STARD13: variants seen among roughly 807,000 people sequenced by gnomAD.
STARD13 encodes StAR related lipid transfer domain containing 13, also known as stAR-related lipid transfer protein 13.
Under a neutral mutation model 106.4 loss-of-function variants are expected in STARD13, and 62 were observed. The ratio of observed to expected loss-of-function variants is 0.58; its 90% CI spans 0.48 to 0.72. The LOEUF (loss-of-function observed/expected upper bound fraction) is 0.72. Among genes scored for constraint, STARD13 ranks in the 30% least tolerant of loss-of-function variants. The probability of loss-of-function intolerance (pLI) is 0.00; values close to 1 mark genes in which losing one functional copy is unlikely to be tolerated. For synonymous variants in STARD13, 565 were observed against 553.0 expected, an observed-to-expected ratio of 1.02 and a Z score of -0.31; for missense variants, 1,387 against 1,424.0, an observed-to-expected ratio of 0.97 and a Z score of 0.42.
chr13:33,124,373 C>A (rs1293745548), intron 7 of STARD13, among the ~76,000 whole-genome samples: 1 of 152,174 alleles, frequency 6.6e-6, no homozygotes, highest in African/African-American at 2.4e-5. Context: ...ATGTGACTGA[C>A]GCGAGATGCG....
At chr13:33,181,541 A>G (rs536033180) in intron 1 of STARD13, among the ~76,000 whole-genome samples, 2 of 152,350 alleles carry the variant, frequency 1.3e-5, no homozygotes, top group South Asian at 2.1e-4. Context: ...CTGAAGGCCA[A>G]TAAACACCCA....
intron 2 of STARD13, among the ~76,000 whole-genome samples, chr13:33,166,495 G>A (rs1490409437): frequency 3.3e-5 from 5 of 152,032 alleles, no homozygotes; most frequent in African/African-American, 1.2e-4. Context: ...ACCGTTCCTC[G>A]TGGCCACCCC....
the STARD13 span, among the ~76,000 whole-genome samples, chr13:33,470,515 G>A: frequency 6.6e-6 from 1 of 152,176 alleles, no homozygotes; most frequent in Non-Finnish European, 1.5e-5. Context: ...TTCCACAATG[G>A]TTGAACTAAT....
chr13:33,341,048 C>T (rs748983633), intron 1 of STARD13, among the ~76,000 whole-genome samples: 3 of 152,142 alleles, frequency 2.0e-5, no homozygotes, highest in Non-Finnish European at 4.4e-5. Context: ...TAGGACTAAA[C>T]ATTCAAGGAC....
chr13:33,423,570 T>A, the STARD13 span, among the ~76,000 whole-genome samples: 1 of 152,194 alleles, frequency 6.6e-6, no homozygotes, highest in Non-Finnish European at 1.5e-5. Context: ...GAAATACCAT[T>A]TGACCCAGCG....
At chr13:33,576,701 T>G in the STARD13 span, among the ~76,000 whole-genome samples, 1 of 152,316 alleles carries the variant, frequency 6.6e-6, no homozygotes, top group South Asian at 2.1e-4. Flanking sequence ...GAGAGGAAAC[T>G]TAGTTTTTTC....
At chr13:33,470,455 G>T in the STARD13 span, among the ~76,000 whole-genome samples, 1 of 152,076 alleles carries the variant, frequency 6.6e-6, no homozygotes. Flanking sequence ...GGGCTTGCTG[G>T]GTCAGATGGT....
chr13:33,514,527 G>C, the STARD13 span, among the ~76,000 whole-genome samples: 1 of 152,116 alleles, frequency 6.6e-6, no homozygotes, highest in Non-Finnish European at 1.5e-5. Flanking sequence ...AAAGTGGAAA[G>C]AGCAGTTTCC....
chr13:33,540,853 G>C, the STARD13 span, among the ~76,000 whole-genome samples: 4 of 152,196 alleles, frequency 2.6e-5, no homozygotes. Flanking sequence ...TAGGAGAGCT[G>C]ATCAATATGC....
At chr13:33,338,321 T>G (rs1224370415) in intron 1 of STARD13, among the ~76,000 whole-genome samples, 1 of 152,210 alleles carries the variant, frequency 6.6e-6, no homozygotes, top group African/African-American at 2.4e-5. Context: ...TAAAGTTAAA[T>G]GGGACCTTAG....
At chr13:33,301,550 T>A (rs1892708801) in intron 1 of STARD13, among the ~76,000 whole-genome samples, 1 of 70,836 alleles carries the variant, frequency 1.4e-5, no homozygotes. Context: ...CACCTTGAGT[T>A]TCTTTTTCTT....
chr13:33,571,136 T>C, the STARD13 span, among the ~76,000 whole-genome samples: 1 of 152,112 alleles, frequency 6.6e-6, no homozygotes, highest in Non-Finnish European at 1.5e-5. Context: ...ACTGGGCATG[T>C]GTCAGACTCC....
the STARD13 span, among the ~76,000 whole-genome samples, chr13:33,471,580 A>T: frequency 6.6e-6 from 1 of 152,006 alleles, no homozygotes; most frequent in South Asian, 2.1e-4. Flanking sequence ...GTGTTTCAGA[A>T]GTAATTGATT....
At chr13:33,580,177 G>A in the STARD13 span, among the ~76,000 whole-genome samples, 2 of 152,008 alleles carry the variant, frequency 1.3e-5, no homozygotes, top group South Asian at 4.1e-4. Flanking sequence ...CCTTCAGTAG[G>A]TGAATTAATA....
intron 1 of STARD13, among the ~76,000 whole-genome samples, chr13:33,255,608 C>A (rs1890323742): frequency 6.6e-6 from 1 of 152,050 alleles, no homozygotes. Flanking sequence ...AAGGCCATAC[C>A]TACTGAGGCT....
the STARD13 span, among the ~76,000 whole-genome samples, chr13:33,619,211 C>T: frequency 2.0e-5 from 3 of 152,162 alleles, no homozygotes; most frequent in Non-Finnish European, 4.4e-5. Flanking sequence ...CAAAACTGTA[C>T]TCAAACAGCC....
chr13:33,346,664 C>G (rs967674581), downstream of STARD13, among the ~76,000 whole-genome samples: 3 of 152,068 alleles, frequency 2.0e-5, no homozygotes, highest in African/African-American at 4.8e-5. Flanking sequence ...GAGTCTTGCT[C>G]TGTCACCTAG....
intron 1 of STARD13, among the ~76,000 whole-genome samples, chr13:33,212,703 T>C (rs1244537939): frequency 6.6e-6 from 1 of 152,210 alleles, no homozygotes; most frequent in Non-Finnish European, 1.5e-5. Flanking sequence ...CCAGGTAATG[T>C]GGAGAACCAA....
At chr13:33,119,193 G>C (rs1844098536) in intron 7 of STARD13, among the ~76,000 whole-genome samples, 1 of 152,162 alleles carries the variant, frequency 6.6e-6, no homozygotes, top group Non-Finnish European at 1.5e-5. Context: ...ATTCAAAAAG[G>C]AACTGAACTT....
Sources: allele counts gnomAD v4.1 joint callset (sites outside exome capture counted in the v4.1 genomes callset), GRCh38; gene constraint gnomAD v4.1.1; transcripts MANE v1.5; gene names NCBI Gene and HGNC (gene_info 2026-07-23, HGNC 2026-07-21).